The following ERP44 variants were observed in gnomAD, a reference collection of about 807,000 sequenced individuals.
The protein encoded by ERP44 is endoplasmic reticulum protein 44.
ERP44 carries 25 observed loss-of-function variants against 53.4 expected under a neutral mutation model. That is an observed-to-expected ratio of 0.47 (90% CI 0.34 to 0.65). The LOEUF (loss-of-function observed/expected upper bound fraction) is 0.65. Among genes scored for constraint, ERP44 ranks in the 30% least tolerant of loss-of-function variants. The pLI, the probability that ERP44 is intolerant of heterozygous loss-of-function variation, is 0.01. For synonymous variants in ERP44, 145 were observed against 161.2 expected (o/e 0.90, Z 0.76); for missense variants, 338 against 493.2 (o/e 0.69, Z 2.98).
At chr9:100,078,882 G>C (rs1199416762) in intron 1 of ERP44, among the ~76,000 whole-genome samples, 6 of 152,186 alleles carry the variant, frequency 3.9e-5, no homozygotes, top group Admixed American at 3.9e-4. Context: ...TTTGGGTTGG[G>C]GATTGGTGCC....
rs892211567 is a variant in ERP44 at position 99,997,093 on chromosome 9, G to T, written c.1016+9413C>A. Among the ~76,000 whole-genome samples, 11 of 152,150 alleles carry T rather than the reference G, an allele frequency of 7.2e-5. No homozygotes were observed. The East Asian group carries it at 1.7e-3, about 24-fold the overall frequency. The stretch of plus-strand genomic sequence containing the variant: ...TTCCATGATCTTGCAATTGTGAATT[G>T]TGCTGCTATAAACATGCGTGCGAAG... On this transcript the variant is annotated intron_variant, in intron 10 of 11. Coordinates refer to ENST00000262455, the MANE Select transcript of ERP44 (RefSeq NM_015051.3).
intron 1 of ERP44, among the ~76,000 whole-genome samples, chr9:100,085,798 C>CTGAG (rs750172321): frequency 2.0e-5 from 3 of 152,188 alleles, no homozygotes; most frequent in Non-Finnish European, 2.9e-5. Context: ...ACTTGGGAGG[C>CTGAG]TGAGGTAGGA....
Position 100,018,246 on chromosome 9 carries a change from A to G in ERP44, c.645+10T>C. The stretch of plus-strand genomic sequence containing the variant: ...ATCTTATCATACAACATTAAGAAAT[A>G]GCAACTTACCCCTGGTGGTTTGTAG... On this transcript the variant is annotated intron_variant, in intron 7 of 11. Transcript: ENST00000262455. 1.3e-6 allele frequency: 2 copies of G among 1,557,462 alleles called. No homozygotes were observed. The highest frequency in any genetic ancestry group is 2.2e-5 in the East Asian group (1 of 44,550).
In ERP44 at chr9:99,998,282, G is replaced by A. The variant is rs371890592; in HGVS notation, c.1016+8224C>T. 13 of 376,022 alleles carry A rather than the reference G, an allele frequency of 3.5e-5. No homozygotes were observed. The East Asian group carries it at 4.9e-4, about 14-fold the overall frequency. The allele number at this position is 376,022 out of a possible 1,614,324, so 23.3% of individuals were successfully genotyped here. A position where few individuals can be genotyped will look rare whatever the true frequency, so the allele number is the denominator to read the frequency against. On this transcript the variant is annotated intron_variant, in intron 10 of 11. Coordinates refer to ENST00000262455, the MANE Select transcript of ERP44 (RefSeq NM_015051.3). ...GGGATACCCTCGCTCGTCCACGGAG[G>A]GCTGGTGCACGCAGTGACTCATTCT...
chr9:99,980,678 G>GTGA lies in ERP44; in HGVS notation c.*1931_*1933dup, dbSNP rs1301328133. ...AAGTGTCCAGAAATTCTAGGCACTA[G>GTGA]TGATACAGACATTAAATTTAGTTTC... is the stretch of plus-strand genomic sequence containing the variant. On this transcript the variant is annotated 3_prime_UTR_variant, in exon 12 of 12. Coordinates refer to ENST00000262455, the MANE Select transcript of ERP44 (RefSeq NM_015051.3). 2 of 152,308 alleles carry GTGA rather than the reference G, an allele frequency of 1.3e-5. No homozygotes were observed. Among genetic ancestry groups the GTGA allele is most frequent in the East Asian group, 1.9e-4 (1 of 5,186 alleles). 9.4% of individuals were successfully genotyped at this position (152,308 alleles called of 1,614,324 possible). A position where few individuals can be genotyped will look rare whatever the true frequency, so the allele number is the denominator to read the frequency against.
At chr9:99,986,355 C>T (rs547780251) in intron 10 of ERP44, among the ~76,000 whole-genome samples, 1 of 152,076 alleles carries the variant, frequency 6.6e-6, no homozygotes, top group East Asian at 1.9e-4. Flanking sequence ...GCATTTTTTT[C>T]ATTGCTTGTC....
At chr9:100,022,635 A>G (rs921846662) in intron 4 of ERP44, among the ~76,000 whole-genome samples, 8 of 152,204 alleles carry the variant, frequency 5.3e-5, no homozygotes, top group Non-Finnish European at 7.3e-5. Flanking sequence ...GGTTCGACAG[A>G]CATTAAAATA....
chr9:99,982,808 A>G (rs1234849631), intron 11 of ERP44, 95 bp from the exon 12 acceptor site: 7 of 589,194 alleles, frequency 1.2e-5, no homozygotes, highest in Non-Finnish European at 1.9e-5. Context: ...GTTCCCCTAT[A>G]ATTATTTGCT....
intron 10 of ERP44, among the ~76,000 whole-genome samples, chr9:99,995,650 C>T (rs529008239): frequency 6.6e-6 from 1 of 152,174 alleles, no homozygotes; most frequent in Non-Finnish European, 1.5e-5. Flanking sequence ...TCTTATTCCA[C>T]TTAACATACT....
intron 9 of ERP44, among the ~76,000 whole-genome samples, chr9:100,007,270 T>G (rs1295568995): frequency 6.6e-6 from 1 of 152,230 alleles, no homozygotes; most frequent in African/African-American, 2.4e-5. Flanking sequence ...GAATGTCCAT[T>G]GGAAAAGGGG....
At chr9:100,067,789 C>G (rs1826236570) in intron 1 of ERP44, among the ~76,000 whole-genome samples, 1 of 151,694 alleles carries the variant, frequency 6.6e-6, no homozygotes, top group Non-Finnish European at 1.5e-5. Context: ...AAGTGAGGAG[C>G]GTCTCTGCCC....
intron 4 of ERP44, among the ~76,000 whole-genome samples, chr9:100,027,531 G>A (rs1414465395): frequency 6.6e-6 from 1 of 151,886 alleles, no homozygotes; most frequent in East Asian, 1.9e-4. Context: ...TGACTTAAGG[G>A]GTATAATAAA....
intron 1 of ERP44, among the ~76,000 whole-genome samples, chr9:100,064,240 T>TATCCCACAG (rs966620624): frequency 2.5e-4 from 38 of 152,202 alleles, no homozygotes; most frequent in African/African-American, 9.2e-4. Context: ...TTCAATTTTG[T>TATCCCACAG]ATCCCACAGA....
At position 100,000,816 on chromosome 9, in the gene ERP44, T is replaced by G. The variant is rs1272507829; in HGVS notation, c.1016+5690A>C. Among the ~76,000 whole-genome samples the G allele has an allele frequency of 2.0e-5, 3 of 152,252 alleles. No individual in the cohort carries two copies. In the East Asian group the frequency reaches 5.8e-4, roughly 29 times the overall value. Reference sequence around the variant, plus strand: ...TTTAAAAAACCAGCTATAGTTTTGTTGCTCTTTTCTATTGTTTTTCTAATC... The same window carrying G: ...TTTAAAAAACCAGCTATAGTTTTGTGGCTCTTTTCTATTGTTTTTCTAATC... On this transcript the variant is annotated intron_variant, in intron 10 of 11. Transcript: ENST00000262455.
At chr9:100,042,145 T>C (rs1429685018) in intron 4 of ERP44, among the ~76,000 whole-genome samples, 3 of 152,168 alleles carry the variant, frequency 2.0e-5, no homozygotes, top group East Asian at 1.9e-4. Flanking sequence ...GAGAAAATAT[T>C]TGCCAACTAT....
intron 4 of ERP44, among the ~76,000 whole-genome samples, chr9:100,049,375 G>A (rs780643578): frequency 4.6e-5 from 7 of 152,158 alleles, no homozygotes; most frequent in Non-Finnish European, 1.0e-4. Flanking sequence ...TACAGCCTGG[G>A]CGAGACAGTG....
In ERP44 at chr9:99,979,238, G is replaced by A. The variant is rs1172654066; in HGVS notation, c.*3374C>T. On this transcript the variant is annotated 3_prime_UTR_variant, in exon 12 of 12. Transcript: ENST00000262455. Reference sequence around the variant, plus strand: ...GGTCCAGCCATATCTCCTTGTAGGAGAAAAAAAACTGAGTTATTCTGTTCT... The same window carrying A: ...GGTCCAGCCATATCTCCTTGTAGGAAAAAAAAAACTGAGTTATTCTGTTCT... 6.8e-6 allele frequency: 1 copy of A among 147,854 alleles called. No individual in the cohort carries two copies. The highest frequency in any genetic ancestry group is 1.5e-5 in the Non-Finnish European group (1 of 67,266). 9.2% of individuals were successfully genotyped at this position (147,854 alleles called of 1,614,324 possible).
intron 4 of ERP44, among the ~76,000 whole-genome samples, chr9:100,034,893 C>T (rs1825832504): frequency 6.6e-6 from 1 of 152,052 alleles, no homozygotes; most frequent in Non-Finnish European, 1.5e-5. Flanking sequence ...AATAAAGGAA[C>T]AGAATAGAGA....
Position 100,024,859 on chromosome 9 carries a change from T to G in ERP44, c.287-2633A>C, listed in dbSNP as rs539961751. On this transcript the variant is annotated intron_variant, in intron 4 of 11. Coordinates refer to ENST00000262455, the MANE Select transcript of ERP44 (RefSeq NM_015051.3). ...AAATATACTTCTAAGCTCCTTCCAC[T>G]GATAGCTATTATCAGTAAGTTAATT... Among the ~76,000 whole-genome samples the G allele has an allele frequency of 3.9e-5, 6 of 152,332 alleles. No individual in the cohort carries two copies. In the South Asian group the frequency reaches 1.2e-3, roughly 32 times the overall value.
Sources: allele counts gnomAD v4.1 joint callset (sites outside exome capture counted in the v4.1 genomes callset), GRCh38; gene constraint gnomAD v4.1.1; transcripts MANE v1.5; gene names NCBI Gene and HGNC (gene_info 2026-07-23, HGNC 2026-07-21).